Variants in CSMD3 observed in about 807,000 individuals in gnomAD.
CSMD3 encodes the protein CUB and sushi domain-containing protein 3.
Under a neutral mutation model 435.2 loss-of-function variants are expected in CSMD3, and 177 were observed. The ratio of observed to expected loss-of-function variants is 0.41; its 90% confidence interval spans 0.36 to 0.46. The LOEUF is 0.46. Ranked by LOEUF, CSMD3 falls within the 20% of genes least tolerant of loss-of-function variation. The pLI, the probability that CSMD3 is intolerant of heterozygous loss-of-function variation, is 0.34. For synonymous variants in CSMD3, 1,656 were observed against 1,520.5 expected (o/e 1.09, Z -2.07); for missense variants, 4,265 against 4,504.6 (o/e 0.95, Z 1.52).
At chr8:112,843,859 A>G (rs2080247277) in intron 11 of CSMD3, among the ~76,000 whole-genome samples, 1 of 151,938 alleles carries the variant, frequency 6.6e-6, no homozygotes, top group African/African-American at 2.4e-5. Context: ...GACCCACAGA[A>G]TTATAAAATA....
intron 3 of CSMD3, among the ~76,000 whole-genome samples, chr8:113,185,587 G>T (rs554081874): frequency 6.6e-6 from 1 of 152,068 alleles, no homozygotes; most frequent in South Asian, 2.1e-4. Context: ...ATGTTTTAAT[G>T]TCCATTCCAC....
chr8:113,341,479 C>A (rs557381800), intron 1 of CSMD3, among the ~76,000 whole-genome samples: 5 of 152,110 alleles, frequency 3.3e-5, no homozygotes, highest in Admixed American at 1.3e-4. Flanking sequence ...AGATGCCACA[C>A]ACTGTACTAG....
chr8:112,238,732 A>AT (rs1813835636), intron 66 of CSMD3, among the ~76,000 whole-genome samples: 1 of 151,888 alleles, frequency 6.6e-6, no homozygotes, highest in South Asian at 2.1e-4. Flanking sequence ...TTTAAAAATT[A>AT]TAAGTGTTGA....
At chr8:112,349,717 A>G (rs73326660) in intron 40 of CSMD3, among the ~76,000 whole-genome samples, 6,365 of 151,442 alleles carry the variant, frequency 0.042, 225 homozygotes, top group East Asian at 0.14. Flanking sequence ...AATTAATCAT[A>G]GTACCTTAAA....
At chr8:112,821,688 A>G (rs2079534741) in intron 12 of CSMD3, among the ~76,000 whole-genome samples, 1 of 151,898 alleles carries the variant, frequency 6.6e-6, no homozygotes, top group Non-Finnish European at 1.5e-5. Context: ...CTTTTGTTGC[A>G]ATTGCTTTTG....
intron 53 of CSMD3, among the ~76,000 whole-genome samples, chr8:112,300,472 A>C (rs1268104211): frequency 6.6e-6 from 1 of 151,892 alleles, no homozygotes; most frequent in Non-Finnish European, 1.5e-5. Context: ...CATTTAACTC[A>C]TTAACTATTT....
At chr8:112,434,691 T>C (rs1446709186) in intron 32 of CSMD3, among the ~76,000 whole-genome samples, 1 of 152,132 alleles carries the variant, frequency 6.6e-6, no homozygotes, top group African/African-American at 2.4e-5. Context: ...AGGCTCCTTC[T>C]AAGACCCTAG....
At chr8:113,267,426 A>C (rs1053689952) in intron 3 of CSMD3, among the ~76,000 whole-genome samples, 1 of 151,776 alleles carries the variant, frequency 6.6e-6, no homozygotes, top group Non-Finnish European at 1.5e-5. Context: ...AAAAGAGTTA[A>C]GTCATGCCAT....
intron 5 of CSMD3, among the ~76,000 whole-genome samples, chr8:113,087,658 T>G (rs2089845081): frequency 6.6e-6 from 1 of 151,886 alleles, no homozygotes; most frequent in Non-Finnish European, 1.5e-5. Context: ...TAGCCATATG[T>G]AGAAAGCTGA....
chr8:113,376,629 ACT>A (rs1366053361), intron 1 of CSMD3: 2 of 1,234,852 alleles, frequency 1.6e-6, no homozygotes, highest in Non-Finnish European at 1.2e-6. Flanking sequence ...AAAGTTTACC[ACT>A]CTCTCTTTCC....
intron 4 of CSMD3, among the ~76,000 whole-genome samples, chr8:113,121,583 T>C (rs372717021): frequency 3.3e-5 from 5 of 152,250 alleles, no homozygotes; most frequent in African/African-American, 9.6e-5. Context: ...AACCTCAAAA[T>C]ACTACATAAT....
Position 113,295,526 on chromosome 8 carries a change from A to G in CSMD3, c.402-16822T>C, listed in dbSNP as rs576950256. The stretch of plus-strand genomic sequence containing the variant: ...CTAAAGGTAGAGCAGAAAGAATGAT[A>G]TAAAATAAAGTTAAAAATTTAGCAA... On this transcript the variant is annotated intron_variant, in intron 2 of 70. Coordinates refer to ENST00000297405, the MANE Select transcript of CSMD3 (RefSeq NM_198123.2). Among the ~76,000 whole-genome samples the G allele has an allele frequency of 2.6e-5, 4 of 152,358 alleles. No individual in the cohort carries two copies. In the East Asian group the frequency reaches 7.7e-4, roughly 29 times the overall value.
chr8:113,278,561 C>A (rs1386821855), intron 3 of CSMD3, 31 bp downstream of exon 3: 5 of 985,918 alleles, frequency 5.1e-6, no homozygotes, highest in African/African-American at 4.8e-5. Context: ...ACATTAAGGG[C>A]AGTGGTTTGT....
At chr8:113,111,316 A>G (rs1285319800) in intron 4 of CSMD3, among the ~76,000 whole-genome samples, 1 of 152,110 alleles carries the variant, frequency 6.6e-6, no homozygotes, top group Non-Finnish European at 1.5e-5. Flanking sequence ...AAGCCAATTA[A>G]CCTATCCATC....
At chr8:113,022,122 T>C (rs183009639) in intron 5 of CSMD3, among the ~76,000 whole-genome samples, 2 of 152,274 alleles carry the variant, frequency 1.3e-5, no homozygotes, top group African/African-American at 4.8e-5. Context: ...TCTCTATATC[T>C]CTGTCCTTAT....
intron 11 of CSMD3, among the ~76,000 whole-genome samples, chr8:112,842,897 A>C (rs1347158634): frequency 6.6e-6 from 1 of 151,820 alleles, no homozygotes; most frequent in Non-Finnish European, 1.5e-5. Context: ...AACTCTCGTG[A>C]TGTTAAAAAA....
chr8:113,232,369 G>A (rs2093098326), intron 3 of CSMD3, among the ~76,000 whole-genome samples: 1 of 151,556 alleles, frequency 6.6e-6, no homozygotes, highest in Admixed American at 6.6e-5. Flanking sequence ...TCCACTGTTT[G>A]GAGATGTCTT....
intron 4 of CSMD3, among the ~76,000 whole-genome samples, chr8:113,109,389 T>C (rs1564325026): frequency 1.3e-5 from 2 of 152,132 alleles, no homozygotes; most frequent in African/African-American, 2.4e-5. Context: ...CAGAGGCAAA[T>C]TGCCCTCTGA....
At chr8:112,766,250 A>C (rs1372695576) in intron 13 of CSMD3, among the ~76,000 whole-genome samples, 1 of 151,772 alleles carries the variant, frequency 6.6e-6, no homozygotes, top group Non-Finnish European at 1.5e-5. Flanking sequence ...CATACTGAAA[A>C]AATTAATGGT....
Sources: allele counts gnomAD v4.1 joint callset (sites outside exome capture counted in the v4.1 genomes callset), GRCh38; gene constraint gnomAD v4.1.1; transcripts MANE v1.5; gene names NCBI Gene and HGNC (gene_info 2026-07-23, HGNC 2026-07-21).